LRRC7: variants seen among roughly 807,000 people sequenced by gnomAD.
LRRC7 encodes the protein leucine-rich repeat-containing protein 7.
Under a neutral mutation model 175.7 loss-of-function variants are expected in LRRC7, and 23 were observed. The observed-to-expected ratio is 0.13, with a 90% CI of 0.09 to 0.19. LRRC7 has a LOEUF of 0.19. Among genes scored for constraint, LRRC7 ranks in the 10% least tolerant of loss-of-function variants. The pLI is 1.00. For missense variants in LRRC7, 1,354 were observed against 1,904.7 expected (o/e 0.71, Z 5.38); for synonymous variants, 685 against 680.9 (o/e 1.01, Z -0.09).
At chr1:69,718,138 G>GAAAAAGAA (rs772161376) in intron 2 of LRRC7, among the ~76,000 whole-genome samples, 9 of 40,972 alleles carry the variant, frequency 2.2e-4, no homozygotes, top group Non-Finnish European at 3.3e-4. Context: ...AAGAAAGAAA[G>GAAAAAGAA]AGAGAGAAAG....
Position 69,717,853 on chromosome 1 carries a change from G to GGAAAGAAAGAAAGAAAGGAAA in LRRC7, c.100+39392_100+39393insGAAAGAAAGAAAGAAAGAAAG, listed in dbSNP as rs1553145880. Among the ~76,000 whole-genome samples the GGAAAGAAAGAAAGAAAGGAAA allele has an allele frequency of 3.4e-3, 53 of 15,632 alleles. 14 individuals are homozygous for GGAAAGAAAGAAAGAAAGGAAA. The highest frequency in any genetic ancestry group is 0.02 in the African/African-American group (50 of 2,456). The allele number at this position is 15,632 out of a possible 152,430, so 10.3% of individuals were successfully genotyped here. A position where few individuals can be genotyped will look rare whatever the true frequency, so the allele number is the denominator to read the frequency against. ...AAGAAAGAAAGAAAAAAGAAAGAAAGGAAAGAAAGAAAGAAAGAAAGAAAG... is the reference window on the plus strand; with the variant it reads ...AAGAAAGAAAGAAAAAAGAAAGAAAGGAAAGAAAGAAAGAAAGGAAAGAAAGAAAGAAAGAAAGAAAGAAAG... On this transcript the variant is annotated intron_variant, in intron 2 of 26. Coordinates refer to ENST00000651989, the MANE Select transcript of LRRC7 (RefSeq NM_001370785.2).
chr1:69,842,108 A>G (rs1681794581), intron 7 of LRRC7, among the ~76,000 whole-genome samples: 1 of 152,166 alleles, frequency 6.6e-6, no homozygotes, highest in South Asian at 2.1e-4. Context: ...CAAAAATAGT[A>G]TAACTGCTTT....
rs55970826 is a variant in LRRC7 at position 70,136,207 on chromosome 1, A to G, written c.*14320A>G. ...GGCCCTAGGTCATCATAAACTACTC[A>G]AAGTGAAGGGACTATATTTTCTTCT... is the stretch of plus-strand genomic sequence containing the variant. On this transcript the variant is annotated 3_prime_UTR_variant, in exon 27 of 27. Coordinates refer to ENST00000651989, the MANE Select transcript of LRRC7 (RefSeq NM_001370785.2). Among the ~76,000 whole-genome samples the G allele has an allele frequency of 0.082, 12,483 of 151,586 alleles. 606 individuals are homozygous for G. Among genetic ancestry groups the G allele is most frequent in the South Asian group, 0.19 (885 of 4,756 alleles).
intron 1 of LRRC7, among the ~76,000 whole-genome samples, chr1:69,574,003 G>C (rs1010972765): frequency 1.1e-4 from 16 of 152,092 alleles, no homozygotes; most frequent in Admixed American, 1.3e-4. Context: ...ACGAAGTTCA[G>C]TAAGGTTGAA....
chr1:69,840,346 G>A (rs1681589116), intron 7 of LRRC7, among the ~76,000 whole-genome samples: 1 of 151,968 alleles, frequency 6.6e-6, no homozygotes, highest in South Asian at 2.1e-4. Context: ...GAGCATTATA[G>A]TATCCTTTAT....
At chr1:69,989,998 A>G (rs753687772) in intron 10 of LRRC7, among the ~76,000 whole-genome samples, 1 of 152,132 alleles carries the variant, frequency 6.6e-6, no homozygotes. Flanking sequence ...GGTTAATTAC[A>G]GGCAGATTGG....
intron 17 of LRRC7, among the ~76,000 whole-genome samples, chr1:70,027,598 C>T (rs77346634): frequency 0.23 from 34,179 of 151,856 alleles, 3,906 homozygotes; most frequent in African/African-American, 0.24. Flanking sequence ...AGCATTTTTT[C>T]CCCTTAGGGA....
intron 7 of LRRC7, among the ~76,000 whole-genome samples, chr1:69,883,027 G>A (rs1050366781): frequency 3.3e-5 from 5 of 151,870 alleles, no homozygotes; most frequent in Non-Finnish European, 4.4e-5. Context: ...TGGACATTTG[G>A]GTTGGTTCCA....
chr1:70,103,728 G>A (rs1482318592), intron 25 of LRRC7, among the ~76,000 whole-genome samples: 2 of 152,092 alleles, frequency 1.3e-5, no homozygotes, highest in Admixed American at 1.3e-4. Flanking sequence ...TTGCCTTATT[G>A]AAAAAGAGGG....
chr1:69,628,854 A>C (rs1303413049), intron 1 of LRRC7, among the ~76,000 whole-genome samples: 1 of 152,174 alleles, frequency 6.6e-6, no homozygotes, highest in African/African-American at 2.4e-5. Context: ...ATGAATCACA[A>C]ACAGTACAAT....
intron 25 of LRRC7, among the ~76,000 whole-genome samples, chr1:70,090,339 GA>G (rs1422269408): frequency 1.3e-5 from 2 of 151,944 alleles, no homozygotes; most frequent in African/African-American, 4.8e-5. Flanking sequence ...TTTTTTATGA[GA>G]AAATCAGTTA....
At chr1:69,741,623 A>G (rs1343048639) in intron 2 of LRRC7, among the ~76,000 whole-genome samples, 3 of 151,914 alleles carry the variant, frequency 2.0e-5, no homozygotes, top group Non-Finnish European at 4.4e-5. Flanking sequence ...AAGAGAGGGA[A>G]GAATTAATAA....
chr1:70,133,364 G>A lies in LRRC7; in HGVS notation c.*11477G>A, dbSNP rs1666751890. Among the ~76,000 whole-genome samples, 1 of 152,080 alleles carries A rather than the reference G, an allele frequency of 6.6e-6. No individual in the cohort carries two copies. Among genetic ancestry groups the A allele is most frequent in the Non-Finnish European group, 1.5e-5 (1 of 68,018 alleles). On this transcript the variant is annotated 3_prime_UTR_variant, in exon 27 of 27. Transcript: ENST00000651989. ...GCCTCCCGAGTAGCTGGGACTACAG[G>A]CATGCACCACCACGCCCGGCTAATT... is the stretch of plus-strand genomic sequence containing the variant.
intron 3 of LRRC7, among the ~76,000 whole-genome samples, chr1:69,764,529 A>G (rs1671388753): frequency 6.6e-6 from 1 of 152,022 alleles, no homozygotes; most frequent in Admixed American, 6.6e-5. Flanking sequence ...TTAAAAGTTT[A>G]CAACCCACTC....
At chr1:69,618,212 G>A (rs545093431) in intron 1 of LRRC7, among the ~76,000 whole-genome samples, 7 of 152,136 alleles carry the variant, frequency 4.6e-5, no homozygotes, top group South Asian at 2.1e-4. Flanking sequence ...AGATCTGATC[G>A]AAGCACTGGG....
Position 70,104,245 on chromosome 1 carries a change from A to G in LRRC7, c.4546-3507A>G, listed in dbSNP as rs529862305. ...AGTATTCTTTAAAATCTCAGGATAA[A>G]ATGAGTTGTTACAATGAGCTTTTTC... is the stretch of plus-strand genomic sequence containing the variant. On this transcript the variant is annotated intron_variant, in intron 25 of 26. Coordinates refer to ENST00000651989, the MANE Select transcript of LRRC7 (RefSeq NM_001370785.2). Among the ~76,000 whole-genome samples, 12 of 152,306 alleles carry G rather than the reference A, an allele frequency of 7.9e-5. No homozygotes were observed. The South Asian group carries it at 2.3e-3, about 29-fold the overall frequency.
chr1:69,703,488 A>G (rs1663634866), intron 2 of LRRC7, among the ~76,000 whole-genome samples: 1 of 151,994 alleles, frequency 6.6e-6, no homozygotes, highest in African/African-American at 2.4e-5. Flanking sequence ...TAATGGGACC[A>G]TGAGAATTGA....
At position 70,039,082 on chromosome 1, in the gene LRRC7, A is replaced by C. The variant is rs985772607; in HGVS notation, c.3258A>C (p.Ile1086=). 3.1e-6 allele frequency: 5 copies of C among 1,614,106 alleles called. No homozygotes were observed. Among genetic ancestry groups the C allele is most frequent in the Non-Finnish European group, 4.2e-6 (5 of 1,180,004 alleles). The change falls in exon 21 of 27, where the codon ATA becomes ATC. Residue 1086 remains isoleucine, a synonymous_variant. Coordinates refer to ENST00000651989, the MANE Select transcript of LRRC7 (RefSeq NM_001370785.2). ...GSVEVKAEKR[I]PPPFQHNPEY... ...TGGAAGTGAAAGCCGAAAAGAGGATACCACCCCCTTTTCAACACAATCCCG... is the reference window on the plus strand; with the variant it reads ...TGGAAGTGAAAGCCGAAAAGAGGATCCCACCCCCTTTTCAACACAATCCCG...
chr1:69,634,844 C>T (rs1029725164), intron 1 of LRRC7, among the ~76,000 whole-genome samples: 4 of 151,918 alleles, frequency 2.6e-5, no homozygotes, highest in South Asian at 2.1e-4. Flanking sequence ...CAGACTGGGC[C>T]GCAGACTGAA....
Sources: gnomAD v4.1 joint callset for allele counts (sites outside exome capture counted in the v4.1 genomes callset) on GRCh38, gnomAD v4.1.1 for gene constraint, MANE v1.5 for transcripts, NCBI Gene and HGNC (gene_info 2026-07-23, HGNC 2026-07-21) for gene names.